TCF4: variants seen among roughly 807,000 people sequenced by gnomAD.
The protein encoded by TCF4 is SL3-3 enhancer factor 2.
In TCF4, 3 loss-of-function variants were observed where a neutral mutation model predicts 82.1. That is an observed-to-expected ratio of 0.04 (90% CI 0.02 to 0.09). The LOEUF is 0.09. Among genes scored for constraint, TCF4 ranks in the 10% least tolerant of loss-of-function variants. The pLI, the probability that TCF4 is intolerant of heterozygous loss-of-function variation, is 1.00. For synonymous variants in TCF4, 276 were observed against 309.6 expected (o/e 0.89, Z 1.14); for missense variants, 518 against 852.7 (o/e 0.61, Z 4.89).
At chr18:55,623,563 T>C (rs933151534) in intron 2 of TCF4, among the ~76,000 whole-genome samples, 1 of 152,216 alleles carries the variant, frequency 6.6e-6, no homozygotes, top group African/African-American at 2.4e-5. Flanking sequence ...TTGGATGCTG[T>C]TTAATCTTAG....
At chr18:55,554,068 T>C (rs1198121881) in intron 3 of TCF4, among the ~76,000 whole-genome samples, 8 of 152,132 alleles carry the variant, frequency 5.3e-5, no homozygotes, top group Admixed American at 5.2e-4. Context: ...TCATAATTTT[T>C]TTAAAAAAGA....
At chr18:55,401,949 G>T in intron 6 of TCF4, 1 of 905,842 alleles carries the variant, frequency 1.1e-6, no homozygotes, top group Non-Finnish European at 1.3e-6. Context: ...TCAGAAACCA[G>T]ACCCACAGGA....
chr18:55,324,675 T>C (rs2076257150), intron 8 of TCF4, among the ~76,000 whole-genome samples: 1 of 152,046 alleles, frequency 6.6e-6, no homozygotes. Context: ...ACCTACTTGG[T>C]ACCACCCCCA....
chr18:55,600,368 A>C (rs2097695542), intron 2 of TCF4, among the ~76,000 whole-genome samples: 1 of 152,216 alleles, frequency 6.6e-6, no homozygotes, highest in Non-Finnish European at 1.5e-5. Flanking sequence ...TATTGCTTCT[A>C]ATATAAATTA....
At chr18:55,378,974 A>G (rs1170596587) in intron 6 of TCF4, among the ~76,000 whole-genome samples, 1 of 152,210 alleles carries the variant, frequency 6.6e-6, no homozygotes, top group African/African-American at 2.4e-5. Context: ...TGTCTCTTAC[A>G]AAACTAGCCT....
intron 6 of TCF4, among the ~76,000 whole-genome samples, chr18:55,376,848 T>C (rs1336931992): frequency 2.6e-5 from 4 of 152,232 alleles, no homozygotes; most frequent in African/African-American, 9.6e-5. Context: ...AAATAATTAA[T>C]CAAGCCTTTT....
chr18:55,270,757 G>C (rs1299101481), intron 10 of TCF4, among the ~76,000 whole-genome samples: 1 of 152,090 alleles, frequency 6.6e-6, no homozygotes, highest in Non-Finnish European at 1.5e-5. Flanking sequence ...CACAGTGCCT[G>C]TAAGGTGGCA....
At chr18:55,342,346 C>T (rs1474641706) in intron 8 of TCF4, among the ~76,000 whole-genome samples, 2 of 152,060 alleles carry the variant, frequency 1.3e-5, no homozygotes, top group Non-Finnish European at 1.5e-5. Context: ...ATGTCTTATA[C>T]ACCTCTAAAA....
chr18:55,373,573 G>A (rs1381902031), intron 6 of TCF4, among the ~76,000 whole-genome samples: 1 of 152,112 alleles, frequency 6.6e-6, no homozygotes, highest in Non-Finnish European at 1.5e-5. Flanking sequence ...AGCAGTTTGG[G>A]AGGCTGAGGT....
chr18:55,298,296 T>G (rs1172457226), intron 8 of TCF4, among the ~76,000 whole-genome samples: 1 of 152,206 alleles, frequency 6.6e-6, no homozygotes, highest in Non-Finnish European at 1.5e-5. Flanking sequence ...GGCTGAGATA[T>G]CTCTATTCCC....
At chr18:55,522,299 T>G (rs2096939537) in intron 3 of TCF4, among the ~76,000 whole-genome samples, 1 of 152,126 alleles carries the variant, frequency 6.6e-6, no homozygotes, top group South Asian at 2.1e-4. Context: ...AAAGGCAGAT[T>G]TGCAGCGTCC....
chr18:55,386,408 C>T (rs927034502), intron 6 of TCF4, among the ~76,000 whole-genome samples: 3 of 152,054 alleles, frequency 2.0e-5, no homozygotes, highest in African/African-American at 7.2e-5. Flanking sequence ...ATCTTCTGAC[C>T]GAAAGCTTTT....
rs2096814655 is a variant in TCF4, at chr18:55,510,496, A to G, written c.146-46359T>C. 4 of 1,066,814 alleles carry G rather than the reference A, an allele frequency of 3.7e-6. No individual in the cohort carries two copies. In the South Asian group the frequency reaches 6.0e-5, roughly 16 times the overall value. 66.1% of individuals were successfully genotyped at this position (1,066,814 alleles called of 1,614,324 possible). A position where few individuals can be genotyped will look rare whatever the true frequency, so the allele number is the denominator to read the frequency against. ...CCAGTCAAATATGTCCAGCAATTCA[A>G]ACTTCTAAGGATACAGAAGTCGATA... On this transcript the variant is annotated intron_variant, in intron 3 of 19. Transcript: ENST00000354452.
At chr18:55,275,368 T>C (rs1463905258) in intron 10 of TCF4, among the ~76,000 whole-genome samples, 1 of 150,834 alleles carries the variant, frequency 6.6e-6, no homozygotes, top group African/African-American at 2.4e-5. Context: ...GAAGCTGACA[T>C]TGTGATAAAG....
intron 3 of TCF4, among the ~76,000 whole-genome samples, chr18:55,572,483 G>C (rs1412574383): frequency 1.3e-5 from 2 of 152,102 alleles, no homozygotes; most frequent in African/African-American, 4.8e-5. Context: ...TGTTAGCCAG[G>C]ATTTGTAAAA....
At chr18:55,555,273 C>G (rs544145074) in intron 3 of TCF4, among the ~76,000 whole-genome samples, 78 of 152,022 alleles carry the variant, frequency 5.1e-4, no homozygotes, top group Non-Finnish European at 6.0e-4. Flanking sequence ...TCAAACAATG[C>G]GAATACTAAA....
At chr18:55,450,492 G>A (rs1475315152) in intron 5 of TCF4, among the ~76,000 whole-genome samples, 6 of 151,966 alleles carry the variant, frequency 3.9e-5, no homozygotes, top group South Asian at 2.1e-4. Flanking sequence ...CTCATATTCC[G>A]CAAAAGAAAA....
chr18:55,518,071 G>A (rs1434659399), intron 3 of TCF4, among the ~76,000 whole-genome samples: 1 of 151,944 alleles, frequency 6.6e-6, no homozygotes, highest in Non-Finnish European at 1.5e-5. Context: ...ATGGCCTACC[G>A]TTAAGTACTT....
chr18:55,467,038 T>C (rs1389599153), intron 3 of TCF4, among the ~76,000 whole-genome samples: 1 of 152,174 alleles, frequency 6.6e-6, no homozygotes, highest in Admixed American at 6.5e-5. Context: ...CCCCTTCCCT[T>C]GGTCTCCTGC....
Sources: allele counts gnomAD v4.1 joint callset (sites outside exome capture counted in the v4.1 genomes callset), GRCh38; gene constraint gnomAD v4.1.1; transcripts MANE v1.5; gene names NCBI Gene and HGNC (gene_info 2026-07-23, HGNC 2026-07-21).